The following LSM3 variants were observed in gnomAD, a reference collection of about 807,000 sequenced individuals.
LSM3 encodes the protein U6 snRNA-associated Sm-like protein LSm3.
A neutral mutation model predicts 15.4 loss-of-function variants in LSM3; 14 were observed. The observed-to-expected ratio is 0.91, with a 90% confidence interval of 0.60 to 1.42. LSM3 has a LOEUF of 1.42. Among genes scored for constraint, LSM3 ranks in the 40% most tolerant of loss-of-function variants. LSM3 has a pLI of 0.00. For synonymous variants in LSM3, 46 were observed against 45.1 expected (o/e 1.02, Z -0.08); for missense variants, 88 against 127.9 (o/e 0.69, Z 1.50).
At chr3:14,194,373 TAC>T (rs1697169277) in intron 3 of LSM3, among the ~76,000 whole-genome samples, 1 of 152,244 alleles carries the variant, frequency 6.6e-6, no homozygotes. Context: ...CTGCCTTTTT[TAC>T]AGAGATGCCC....
At chr3:14,184,681 C>T (rs1286301797) in intron 3 of LSM3, among the ~76,000 whole-genome samples, 2 of 148,676 alleles carry the variant, frequency 1.3e-5, no homozygotes, top group Admixed American at 6.7e-5. Context: ...GGCGTGAACC[C>T]GGGAGGCGGA....
rs200658802 is a variant in LSM3 at position 14,178,880 on chromosome 3, A to T, written c.20A>T (p.Gln7Leu). Residue 7 changes from glutamine to leucine, a missense_variant and splice_region_variant, in exon 1 of 4, where the codon CAG (glutamine) becomes CTG (leucine). Transcript: ENST00000306024. MADDVD[Q>L]QQTTNTVEEP... ...TGAAACATGGCGGACGACGTAGACC[A>T]GGTAAGTGTATTTTAAGGAGGTCGC... 1.5e-5 allele frequency: 24 copies of T among 1,614,190 alleles called. No homozygotes were observed. Among genetic ancestry groups the T allele is most frequent in the Non-Finnish European group, 2.0e-5 (24 of 1,180,036 alleles).
chr3:14,197,908 GA>G (rs1697200262), intron 3 of LSM3, 127 bp from the exon 4 acceptor site: 1 of 707,148 alleles, frequency 1.4e-6, no homozygotes, highest in African/African-American at 1.8e-5. Flanking sequence ...GCTACCAAGG[GA>G]AGTGATCAGG....
chr3:14,179,667 A>G (rs921193360), intron 1 of LSM3, among the ~76,000 whole-genome samples: 5 of 152,214 alleles, frequency 3.3e-5, no homozygotes, highest in African/African-American at 4.8e-5. Context: ...TGTAAATGCC[A>G]TAAGAGCAGG....
chr3:14,182,324 T>C (rs1416554617), intron 2 of LSM3, among the ~76,000 whole-genome samples: 1 of 152,182 alleles, frequency 6.6e-6, no homozygotes, highest in African/African-American at 2.4e-5. Context: ...TTGCCATACA[T>C]GTTTTTCAGT....
chr3:14,195,102 C>T (rs1697176688), intron 3 of LSM3, among the ~76,000 whole-genome samples: 2 of 152,180 alleles, frequency 1.3e-5, no homozygotes, highest in South Asian at 4.1e-4. Flanking sequence ...CGTAGGTTTC[C>T]TCCATGCAGT....
At position 14,189,049 on chromosome 3, in the gene LSM3, G is replaced by C. The variant is rs573985156; in HGVS notation, c.228+5017G>C. 1.8e-4 allele frequency among the ~76,000 whole-genome samples: 27 copies of C among 152,070 alleles called. No homozygotes were observed. In the South Asian group the frequency reaches 4.6e-3, roughly 26 times the overall value. On this transcript the variant is annotated intron_variant, in intron 3 of 3. Coordinates refer to ENST00000306024, the MANE Select transcript of LSM3 (RefSeq NM_014463.3). ...CTCTCACTTATGAGTGAGAACATGGGGTGTTTGGTTTTCTGATCTTGTGAT... is the reference window on the plus strand; with the variant it reads ...CTCTCACTTATGAGTGAGAACATGGCGTGTTTGGTTTTCTGATCTTGTGAT...
rs1417202232 is a variant in LSM3, at chr3:14,198,942, T to G, written c.*826T>G. 1 of 151,920 alleles carries G rather than the reference T, an allele frequency of 6.6e-6. No individual in the cohort carries two copies. The highest frequency in any genetic ancestry group is 1.5e-5 in the Non-Finnish European group (1 of 68,018). 9.4% of individuals were successfully genotyped at this position (151,920 alleles called of 1,614,324 possible). Reference sequence around the variant, plus strand: ...CAACAATTGCAGGCAGTAAGATTAGTGCTGATAGAATCATGCACATGCAGG... The same window carrying G: ...CAACAATTGCAGGCAGTAAGATTAGGGCTGATAGAATCATGCACATGCAGG... On this transcript the variant is annotated 3_prime_UTR_variant, in exon 4 of 4. Coordinates refer to ENST00000306024, the MANE Select transcript of LSM3 (RefSeq NM_014463.3).
intron 1 of LSM3, 99 bp downstream of exon 1, chr3:14,178,980 G>C: frequency 1.5e-6 from 2 of 1,321,072 alleles, no homozygotes; most frequent in Non-Finnish European, 1.1e-6. Flanking sequence ...CTCTCTCCAA[G>C]TCACCATGGC....
chr3:14,186,812 T>C (rs1432844950), intron 3 of LSM3, among the ~76,000 whole-genome samples: 1 of 152,228 alleles, frequency 6.6e-6, no homozygotes, highest in Non-Finnish European at 1.5e-5. Flanking sequence ...TGATTGCATC[T>C]TACAGGTGAT....
chr3:14,181,473 A>G (rs1218608859), intron 1 of LSM3, 87 bp from the exon 2 acceptor site: 1 of 816,422 alleles, frequency 1.2e-6, no homozygotes, highest in Non-Finnish European at 2.1e-6. Flanking sequence ...AAGGTTAAAT[A>G]ACTTGCCCAT....
chr3:14,180,927 T>C (rs1276265090), intron 1 of LSM3, among the ~76,000 whole-genome samples: 1 of 141,278 alleles, frequency 7.1e-6, no homozygotes, highest in Non-Finnish European at 1.5e-5. Context: ...CTTGGCTCAC[T>C]GCAACCTCCA....
intron 3 of LSM3, among the ~76,000 whole-genome samples, chr3:14,191,426 G>A (rs1265812239): frequency 6.6e-6 from 1 of 152,054 alleles, no homozygotes; most frequent in African/African-American, 2.4e-5. Flanking sequence ...ACTTTTTTTG[G>A]TTGGTAGGCT....
intron 3 of LSM3, among the ~76,000 whole-genome samples, chr3:14,185,706 T>A (rs940830178): frequency 3.9e-5 from 6 of 152,218 alleles, no homozygotes; most frequent in Admixed American, 1.3e-4. Flanking sequence ...TCTGAAACGG[T>A]AACAGTAAAC....
intron 1 of LSM3, among the ~76,000 whole-genome samples, chr3:14,181,128 C>T (rs778800470): frequency 6.6e-6 from 1 of 152,118 alleles, no homozygotes; most frequent in Non-Finnish European, 1.5e-5. Context: ...TCCCATAAAC[C>T]TACACCTCTA....
At chr3:14,193,899 T>C (rs1472387002) in intron 3 of LSM3, among the ~76,000 whole-genome samples, 7 of 152,226 alleles carry the variant, frequency 4.6e-5, no homozygotes, top group Admixed American at 2.0e-4. Flanking sequence ...TGCTGGTTTT[T>C]CCCCCATCTT....
At chr3:14,180,596 C>T (rs991056587) in intron 1 of LSM3, among the ~76,000 whole-genome samples, 4 of 151,864 alleles carry the variant, frequency 2.6e-5, no homozygotes, top group African/African-American at 7.3e-5. Flanking sequence ...CCAATAGGAA[C>T]CATTTCTAAA....
chr3:14,185,917 G>C (rs925212150), intron 3 of LSM3, among the ~76,000 whole-genome samples: 1 of 151,592 alleles, frequency 6.6e-6, no homozygotes, highest in Non-Finnish European at 1.5e-5. Flanking sequence ...TGTCAGAAAG[G>C]TCTTTTTTTT....
At chr3:14,184,178 G>T (rs1031785754) in intron 3 of LSM3, 146 bp downstream of exon 3, 2 of 1,092,926 alleles carry the variant, frequency 1.8e-6, no homozygotes, top group South Asian at 2.5e-5. Flanking sequence ...AAGGGTTCTG[G>T]CATCTGACAG....
Sources: allele counts gnomAD v4.1 joint callset (sites outside exome capture counted in the v4.1 genomes callset), GRCh38; gene constraint gnomAD v4.1.1; transcripts MANE v1.5; gene names NCBI Gene and HGNC (gene_info 2026-07-23, HGNC 2026-07-21).